ZMYND8: variants seen among roughly 807,000 people sequenced by gnomAD.
ZMYND8 encodes the protein MYND-type zinc finger-containing chromatin reader ZMYND8.
Under a neutral mutation model 140.8 loss-of-function variants are expected in ZMYND8, and 37 were observed. That is an observed-to-expected ratio of 0.26 (90% CI 0.20 to 0.35). ZMYND8 has a LOEUF of 0.35. Among genes scored for constraint, ZMYND8 ranks in the 10% least tolerant of loss-of-function variants. ZMYND8 has a pLI of 1.00. For synonymous variants in ZMYND8, 592 were observed against 597.1 expected, an observed-to-expected ratio of 0.99 and a Z score of 0.12; for missense variants, 1,068 against 1,570.0, an observed-to-expected ratio of 0.68 and a Z score of 5.40.
chr20:47,284,361 T>C (rs7269605), intron 8 of ZMYND8, among the ~76,000 whole-genome samples: 2 of 152,200 alleles, frequency 1.3e-5, no homozygotes, highest in African/African-American at 4.8e-5. Context: ...CACATAGCAA[T>C]GTCTAGAGGC....
At chr20:47,232,299 G>T (rs2038603100) in intron 16 of ZMYND8, among the ~76,000 whole-genome samples, 1 of 152,058 alleles carries the variant, frequency 6.6e-6, no homozygotes, top group Non-Finnish European at 1.5e-5. Context: ...GCTTGAATCT[G>T]GGAGGAAGAG....
intron 14 of ZMYND8, among the ~76,000 whole-genome samples, chr20:47,239,509 A>C (rs1256994282): frequency 6.6e-6 from 1 of 152,212 alleles, no homozygotes; most frequent in Non-Finnish European, 1.5e-5. Context: ...TCGCAAAGTT[A>C]AAATCTAGTC....
Position 47,255,062 on chromosome 20 carries a change from C to T in ZMYND8, c.1622-5623G>A, listed in dbSNP as rs185287101. 1.0e-2 allele frequency among the ~76,000 whole-genome samples: 1,519 copies of T among 152,132 alleles called. 88 individuals carry two copies. The highest frequency in any genetic ancestry group is 0.093 in the Admixed American group (1,425 of 15,260). On this transcript the variant is annotated intron_variant, in intron 12 of 22. Coordinates refer to ENST00000471951, the MANE Select transcript of ZMYND8 (RefSeq NM_001281775.3). ...AGGAGGCGGAGTCAGGCAAAGGTTGCGGAGAGCCAGATCATGCCACTGCAC... is the reference window on the plus strand; with the variant it reads ...AGGAGGCGGAGTCAGGCAAAGGTTGTGGAGAGCCAGATCATGCCACTGCAC...
intron 16 of ZMYND8, among the ~76,000 whole-genome samples, chr20:47,233,755 G>A (rs1242667860): frequency 6.6e-6 from 1 of 152,208 alleles, no homozygotes; most frequent in African/African-American, 2.4e-5. Context: ...GGTGATAACA[G>A]TACCTACACT....
intron 11 of ZMYND8, among the ~76,000 whole-genome samples, chr20:47,267,657 C>A (rs1372453800): frequency 6.6e-6 from 1 of 152,170 alleles, no homozygotes; most frequent in African/African-American, 2.4e-5. Flanking sequence ...GAAATGAGGG[C>A]ATATTGCTCC....
chr20:47,312,401 G>A (rs918367240), intron 2 of ZMYND8, among the ~76,000 whole-genome samples: 2 of 152,166 alleles, frequency 1.3e-5, no homozygotes, highest in African/African-American at 4.8e-5. Context: ...ATATTCAGGG[G>A]GCTGCGTGGA....
intron 3 of ZMYND8, among the ~76,000 whole-genome samples, chr20:47,300,711 T>A (rs6124992): frequency 0.14 from 20,605 of 152,134 alleles, 1,594 homozygotes; most frequent in South Asian, 0.32. Context: ...CAGCTTTTAT[T>A]ATGAGGTTTT....
At chr20:47,252,291 CAAAAAAAAAAAA>C (rs144291181) in intron 12 of ZMYND8, among the ~76,000 whole-genome samples, 5 of 68,944 alleles carry the variant, frequency 7.3e-5, no homozygotes, top group African/African-American at 3.1e-4. Flanking sequence ...GACTCTGTCT[CAAAAAAAAAAAA>C]AAAAAAAAAA....
At chr20:47,265,938 T>C (rs73910813) in intron 11 of ZMYND8, among the ~76,000 whole-genome samples, 17,051 of 150,894 alleles carry the variant, frequency 0.11, 1,082 homozygotes, top group South Asian at 0.27. Context: ...CAGGAAAACA[T>C]TGGTTTCCCA....
At chr20:47,217,897 C>T (rs1418217079) in intron 21 of ZMYND8, among the ~76,000 whole-genome samples, 3 of 150,198 alleles carry the variant, frequency 2.0e-5, no homozygotes, top group African/African-American at 7.3e-5. Flanking sequence ...CCACCATTTA[C>T]TGGGGCTTCT....
intron 1 of ZMYND8, chr20:47,349,879 G>A (rs914211777): frequency 8.5e-6 from 13 of 1,535,476 alleles, no homozygotes; most frequent in African/African-American, 6.8e-5. Flanking sequence ...TTTCTGCAGC[G>A]ATGAAAACAT....
chr20:47,290,081 C>G (rs2077161547), intron 7 of ZMYND8, 106 bp downstream of exon 7: 2 of 1,075,104 alleles, frequency 1.9e-6, no homozygotes, highest in Non-Finnish European at 1.3e-6. Context: ...AATCTATACG[C>G]AAGTATTCTC....
chr20:47,333,668 G>T (rs930775867), intron 2 of ZMYND8, among the ~76,000 whole-genome samples: 8 of 131,836 alleles, frequency 6.1e-5, no homozygotes, highest in African/African-American at 2.2e-4. Flanking sequence ...AAAGGTTGCA[G>T]TGACACGAGA....
intron 2 of ZMYND8, among the ~76,000 whole-genome samples, chr20:47,341,742 G>A (rs1018673850): frequency 6.6e-6 from 1 of 152,036 alleles, no homozygotes; most frequent in Non-Finnish European, 1.5e-5. Context: ...GGTGGCTCGT[G>A]CCTGTAATCC....
intron 7 of ZMYND8, among the ~76,000 whole-genome samples, chr20:47,289,101 CTAAA>C (rs567630771): frequency 2.6e-5 from 4 of 151,924 alleles, no homozygotes; most frequent in East Asian, 1.9e-4. Flanking sequence ...GACTCTGTCT[CTAAA>C]TAAATAAATA....
chr20:47,236,242 G>C lies in ZMYND8; in HGVS notation c.2856+84C>G. The C allele has an allele frequency of 1.9e-6, 3 of 1,542,412 alleles. No individual in the cohort carries two copies. In the Admixed American group the frequency reaches 5.2e-5, roughly 27 times the overall value. On this transcript the variant is annotated intron_variant, in intron 16 of 22. Coordinates refer to ENST00000471951, the MANE Select transcript of ZMYND8 (RefSeq NM_001281775.3). ...TCCCTAAAGACTGCAAGGTTAAGACGCTCACGCTTCCCCTCGGGAGACCAA... is the reference window on the plus strand; with the variant it reads ...TCCCTAAAGACTGCAAGGTTAAGACCCTCACGCTTCCCCTCGGGAGACCAA...
chr20:47,232,441 C>G (rs930551256), intron 16 of ZMYND8, among the ~76,000 whole-genome samples: 48 of 151,970 alleles, frequency 3.2e-4, no homozygotes, highest in African/African-American at 1.1e-3. Context: ...TCCTGAAGAC[C>G]CAGCTACCTG....
At chr20:47,317,850 T>TAAAAAAGTAA (rs892012781) in intron 2 of ZMYND8, among the ~76,000 whole-genome samples, 1 of 152,186 alleles carries the variant, frequency 6.6e-6, no homozygotes, top group South Asian at 2.1e-4. Flanking sequence ...AAAGGCAACT[T>TAAAAAAGTAA]AACCTCTCTG....
intron 2 of ZMYND8, among the ~76,000 whole-genome samples, chr20:47,314,761 T>G (rs2079242588): frequency 6.6e-6 from 1 of 152,170 alleles, no homozygotes; most frequent in Non-Finnish European, 1.5e-5. Context: ...AGGGGTTGGT[T>G]CAGGACTCAG....
Sources: gnomAD v4.1 joint callset for allele counts (sites outside exome capture counted in the v4.1 genomes callset) on GRCh38, gnomAD v4.1.1 for gene constraint, MANE v1.5 for transcripts, NCBI Gene and HGNC (gene_info 2026-07-23, HGNC 2026-07-21) for gene names.